R3HDM1: variants seen among roughly 807,000 people sequenced by gnomAD.
R3HDM1 encodes R3H domain-containing protein 1.
Under a neutral mutation model 141.1 loss-of-function variants are expected in R3HDM1, and 46 were observed. The ratio of observed to expected loss-of-function variants is 0.33; its 90% confidence interval spans 0.26 to 0.42. R3HDM1 has a LOEUF of 0.42. Among genes scored for constraint, R3HDM1 ranks in the 10% least tolerant of loss-of-function variants. The pLI is 1.00. For missense variants in R3HDM1, 1,184 were observed against 1,368.3 expected (o/e 0.87, Z 2.12); for synonymous variants, 435 against 472.9 (o/e 0.92, Z 1.04).
At chr2:135,704,915 A>G (rs2074705605) in intron 21 of R3HDM1, among the ~76,000 whole-genome samples, 3 of 152,216 alleles carry the variant, frequency 2.0e-5, no homozygotes. Flanking sequence ...ACCCTATTGC[A>G]GAACATTTAG....
At chr2:135,648,357 C>T (rs1172315662) in intron 16 of R3HDM1, among the ~76,000 whole-genome samples, 1 of 152,064 alleles carries the variant, frequency 6.6e-6, no homozygotes, top group Admixed American at 6.5e-5. Flanking sequence ...TATTATCTAT[C>T]TATGATGTCA....
intron 24 of R3HDM1, chr2:135,721,661 C>T (rs1559518779): frequency 6.3e-6 from 2 of 319,462 alleles, no homozygotes; most frequent in Non-Finnish European, 6.1e-6. Context: ...CATCTCAGCT[C>T]ACTGCAACCT....
chr2:135,637,791 T>C (rs2063408703), intron 11 of R3HDM1, among the ~76,000 whole-genome samples: 2 of 152,174 alleles, frequency 1.3e-5, no homozygotes, highest in Non-Finnish European at 2.9e-5. Context: ...TGTTTTTTTG[T>C]TTCGTTTTTT....
At chr2:135,665,011 T>A (rs1339990738) in intron 19 of R3HDM1, among the ~76,000 whole-genome samples, 1 of 152,156 alleles carries the variant, frequency 6.6e-6, no homozygotes, top group Non-Finnish European at 1.5e-5. Flanking sequence ...CCATAATTCT[T>A]TGTGTCTCAT....
chr2:135,563,845 G>A (rs980667646), intron 1 of R3HDM1, among the ~76,000 whole-genome samples: 1 of 152,140 alleles, frequency 6.6e-6, no homozygotes, highest in African/African-American at 2.4e-5. Context: ...GGTTTGTTTA[G>A]GCTCAGTGTT....
intron 1 of R3HDM1, among the ~76,000 whole-genome samples, chr2:135,573,968 T>A (rs1458649613): frequency 6.6e-6 from 1 of 152,054 alleles, no homozygotes; most frequent in Non-Finnish European, 1.5e-5. Flanking sequence ...AAACAAAATT[T>A]AGGAAAACAA....
chr2:135,707,486 T>C (rs2075095894), intron 21 of R3HDM1, among the ~76,000 whole-genome samples: 2 of 152,222 alleles, frequency 1.3e-5, no homozygotes, highest in Non-Finnish European at 1.5e-5. Flanking sequence ...AATCTAGTGC[T>C]AGAAACCCAC....
intron 19 of R3HDM1, among the ~76,000 whole-genome samples, chr2:135,675,050 G>A (rs2068949074): frequency 6.6e-6 from 1 of 151,404 alleles, no homozygotes; most frequent in South Asian, 2.1e-4. Flanking sequence ...ATTGTAATAT[G>A]CCCTGAATAG....
intron 21 of R3HDM1, among the ~76,000 whole-genome samples, chr2:135,706,334 AT>A (rs200907959): frequency 2.7e-4 from 39 of 144,404 alleles, no homozygotes; most frequent in African/African-American, 4.8e-4. Flanking sequence ...GGATATTTTG[AT>A]TTTTTTTTTT....
intron 3 of R3HDM1, among the ~76,000 whole-genome samples, chr2:135,614,539 CTG>C (rs1306828856): frequency 2.0e-5 from 3 of 152,168 alleles, no homozygotes; most frequent in Admixed American, 6.5e-5. Context: ...TAAAAGTAAA[CTG>C]AAGTAATTTG....
chr2:135,566,458 T>G (rs1030038362), intron 1 of R3HDM1, among the ~76,000 whole-genome samples: 1 of 152,214 alleles, frequency 6.6e-6, no homozygotes, highest in Non-Finnish European at 1.5e-5. Flanking sequence ...TGAAATACAG[T>G]GCTTGTGGCC....
At position 135,531,609 on chromosome 2, in the gene R3HDM1, C is replaced by A; in HGVS notation, c.-274C>A. The A allele has an allele frequency of 1.0e-6, 1 of 987,122 alleles. No homozygotes were observed. Among genetic ancestry groups the A allele is most frequent in the South Asian group, 4.7e-5 (1 of 21,426 alleles). 61.1% of individuals were successfully genotyped at this position (987,122 alleles called of 1,614,324 possible). A position where few individuals can be genotyped will look rare whatever the true frequency, so the allele number is the denominator to read the frequency against. ...TCGCCCCGCCGCGCCGCGCTCCAAC[C>A]GCCTCCTCCTCCTCAGTAACGCGGG... On this transcript the variant is annotated 5_prime_UTR_variant, in exon 1 of 27. Coordinates refer to ENST00000683871, the MANE Select transcript of R3HDM1 (RefSeq NM_001378107.1).
intron 2 of R3HDM1, among the ~76,000 whole-genome samples, chr2:135,604,258 T>C (rs2059858322): frequency 6.6e-6 from 1 of 152,214 alleles, no homozygotes; most frequent in African/African-American, 2.4e-5. Flanking sequence ...ATTTAAGAAA[T>C]TTGGAATTTT....
intron 21 of R3HDM1, among the ~76,000 whole-genome samples, chr2:135,681,048 A>G (rs2070211429): frequency 6.6e-6 from 1 of 152,218 alleles, no homozygotes; most frequent in South Asian, 2.1e-4. Flanking sequence ...GAGGGAAGGC[A>G]TGTAAGAGAA....
At chr2:135,546,822 C>G (rs990909999) in intron 1 of R3HDM1, among the ~76,000 whole-genome samples, 11 of 152,134 alleles carry the variant, frequency 7.2e-5, no homozygotes, top group African/African-American at 2.7e-4. Flanking sequence ...CAGGCGTGTG[C>G]TACCATGCCT....
intron 1 of R3HDM1, among the ~76,000 whole-genome samples, chr2:135,532,610 G>A (rs1482394250): frequency 1.3e-5 from 2 of 151,912 alleles, no homozygotes; most frequent in Non-Finnish European, 2.9e-5. Flanking sequence ...AATTGTAACT[G>A]TAAGAAACCT....
intron 1 of R3HDM1, among the ~76,000 whole-genome samples, chr2:135,600,006 C>T (rs2059489791): frequency 6.7e-6 from 1 of 149,596 alleles, no homozygotes. Context: ...TGAACTCCAA[C>T]CTGGGTTACA....
At chr2:135,535,738 G>T (rs1287396869) in intron 1 of R3HDM1, among the ~76,000 whole-genome samples, 2 of 152,154 alleles carry the variant, frequency 1.3e-5, no homozygotes, top group South Asian at 2.1e-4. Flanking sequence ...AAATAAGGAA[G>T]TTATATAATT....
chr2:135,602,692 T>C lies in R3HDM1; in HGVS notation c.-57T>C. The C allele has an allele frequency of 6.6e-7, 1 of 1,525,652 alleles. No individual in the cohort carries two copies. Among genetic ancestry groups the C allele is most frequent in the South Asian group, 1.3e-5 (1 of 78,906 alleles). The allele number at this position is 1,525,652 out of a possible 1,614,324, so 94.5% of individuals were successfully genotyped here. On this transcript the variant is annotated 5_prime_UTR_variant, in exon 2 of 27. Coordinates refer to ENST00000683871, the MANE Select transcript of R3HDM1 (RefSeq NM_001378107.1). ...TTTTGTGGGACACCACAATCCCAAA[T>C]CCAAAGGACGCATCAGGTAATGCTT... is the stretch of plus-strand genomic sequence containing the variant.
Sources: allele counts gnomAD v4.1 joint callset (sites outside exome capture counted in the v4.1 genomes callset), GRCh38; gene constraint gnomAD v4.1.1; transcripts MANE v1.5; gene names NCBI Gene and HGNC (gene_info 2026-07-23, HGNC 2026-07-21).